STON2: variants seen among roughly 807,000 people sequenced by gnomAD.
STON2 encodes the protein stonin-2.
In STON2, 29 loss-of-function variants were observed where a neutral mutation model predicts 65.7. That is an observed-to-expected ratio of 0.44 (90% CI 0.33 to 0.60). The LOEUF (loss-of-function observed/expected upper bound fraction) is 0.60, where lower values mean the gene tolerates loss of function less well. Among genes scored for constraint, STON2 ranks in the 20% least tolerant of loss-of-function variants. STON2 has a pLI of 0.03. For synonymous variants in STON2, 404 were observed against 414.2 expected, an observed-to-expected ratio of 0.98 and a Z score of 0.30; for missense variants, 1,054 against 1,118.1, an observed-to-expected ratio of 0.94 and a Z score of 0.82.
At chr14:81,355,723 G>A (rs547721963) in intron 4 of STON2, among the ~76,000 whole-genome samples, 37 of 152,226 alleles carry the variant, frequency 2.4e-4, no homozygotes, top group Admixed American at 1.4e-3. Flanking sequence ...AACCCTTCAC[G>A]TCCCTTGTAA....
At chr14:81,370,857 G>A in intron 4 of STON2, 131 bp downstream of exon 4, 1 of 803,378 alleles carries the variant, frequency 1.2e-6, no homozygotes, top group Admixed American at 2.7e-5. Flanking sequence ...CTAGCTTTTT[G>A]ACTGGATAAC....
chr14:81,271,010 C>G, intron 6 of STON2, 138 bp from the exon 7 acceptor site: 2 of 1,143,870 alleles, frequency 1.7e-6, no homozygotes, highest in Non-Finnish European at 2.4e-6. Flanking sequence ...GTGTTGAGCA[C>G]GAGGATCCGC....
upstream of STON2, among the ~76,000 whole-genome samples, chr14:81,402,331 A>G (rs1900649629): frequency 2.0e-5 from 3 of 152,158 alleles, no homozygotes; most frequent in South Asian, 6.2e-4. Context: ...CTAGGGCCTG[A>G]GGGTCAAGGG....
chr14:81,326,708 T>C (rs1179472614), intron 4 of STON2, among the ~76,000 whole-genome samples: 1 of 152,210 alleles, frequency 6.6e-6, no homozygotes, highest in Non-Finnish European at 1.5e-5. Flanking sequence ...ACTGACTCAT[T>C]TCTTAGAAAA....
In STON2 at chr14:81,266,575, C is replaced by A; in HGVS notation, c.*1839G>T. On this transcript the variant is annotated 3_prime_UTR_variant, in exon 8 of 8. Transcript: ENST00000614646. ...ATGGACACAATCAACTTATTAATGT[C>A]TCTCTTAAAATATGATACCCATAAT... 1 of 712,636 alleles carries A rather than the reference C, an allele frequency of 1.4e-6. No homozygotes were observed. The highest frequency in any genetic ancestry group is 6.2e-5 in the South Asian group (1 of 16,022). 44.1% of individuals were successfully genotyped at this position (712,636 alleles called of 1,614,324 possible).
At chr14:81,407,093 CT>C (rs1469507484) in intron 2 of STON2, among the ~76,000 whole-genome samples, 1 of 152,186 alleles carries the variant, frequency 6.6e-6, no homozygotes, top group East Asian at 1.9e-4. Flanking sequence ...GATAGAAAAT[CT>C]TGTGCTGCCT....
At position 81,278,709 on chromosome 14, in the gene STON2, T is replaced by C; in HGVS notation, c.773A>G (p.Glu258Gly). 2.0e-6 allele frequency: 3 copies of C among 1,518,586 alleles called. No homozygotes were observed. Among genetic ancestry groups the C allele is most frequent in the Non-Finnish European group, 2.6e-6 (3 of 1,135,884 alleles). 94.1% of individuals were successfully genotyped at this position (1,518,586 alleles called of 1,614,324 possible). A position where few individuals can be genotyped will look rare whatever the true frequency, so the allele number is the denominator to read the frequency against. The change falls in exon 6 of 8, where the codon GAA (glutamate) becomes GGA (glycine). Residue 258 changes from glutamate (E) to glycine (G), a missense_variant. Physicochemically the swap from Glu to Gly is moderately conservative, Grantham distance 98. Coordinates refer to ENST00000614646, the MANE Select transcript of STON2 (RefSeq NM_001394390.1). ...DNSSSLQEDE[E>G]VEMEAISWQA... Reference sequence around the variant, plus strand: ...CCAGCTGATGGCCTCCATCTCTACTTCTTCATCTTCTTGAAGCGAGGAGGA... The same window carrying C: ...CCAGCTGATGGCCTCCATCTCTACTCCTTCATCTTCTTGAAGCGAGGAGGA...
intron 2 of STON2, among the ~76,000 whole-genome samples, chr14:81,407,998 G>T (rs781479910): frequency 6.6e-6 from 1 of 152,112 alleles, no homozygotes; most frequent in Non-Finnish European, 1.5e-5. Flanking sequence ...AGACTGGAAG[G>T]CCCCATTACC....
At chr14:81,388,349 C>A (rs989223988) in intron 3 of STON2, among the ~76,000 whole-genome samples, 1 of 152,142 alleles carries the variant, frequency 6.6e-6, no homozygotes, top group Non-Finnish European at 1.5e-5. Context: ...AATTAAAGTC[C>A]AAGAGAAAGT....
chr14:81,282,139 C>T (rs1027530501), intron 5 of STON2, among the ~76,000 whole-genome samples: 1 of 152,166 alleles, frequency 6.6e-6, no homozygotes, highest in African/African-American at 2.4e-5. Flanking sequence ...ATGTTTATTA[C>T]AGCAATGCTT....
At chr14:81,403,986 G>A (rs1423246886), upstream of STON2, among the ~76,000 whole-genome samples, 1 of 152,098 alleles carries the variant, frequency 6.6e-6, no homozygotes, top group Non-Finnish European at 1.5e-5. Flanking sequence ...TTGATCTTTT[G>A]CTTATTGATG....
intron 5 of STON2, among the ~76,000 whole-genome samples, chr14:81,289,890 T>C (rs1895487229): frequency 6.6e-6 from 1 of 152,212 alleles, no homozygotes; most frequent in African/African-American, 2.4e-5. Flanking sequence ...GGCTTGATTA[T>C]CCTCCTGGTT....
At position 81,277,302 on chromosome 14, in the gene STON2, C is replaced by A; in HGVS notation, c.2180G>T (p.Cys727Phe). The A allele has an allele frequency of 6.2e-7, 1 of 1,614,228 alleles. No homozygotes were observed. The highest frequency in any genetic ancestry group is 8.5e-7 in the Non-Finnish European group (1 of 1,180,042). The change falls in exon 6 of 8, where the codon TGC becomes TTC. Residue 727 changes from cysteine to phenylalanine, a missense_variant. Coordinates refer to ENST00000614646, the MANE Select transcript of STON2 (RefSeq NM_001394390.1). ...RVILFNPLDA[C>F]RFELMRFRTV... ...CCTGAACCGCATTAGCTCAAACCGG[C>A]ACGCATCCAAAGGGTTGAACAGAAT...
At chr14:81,388,673 C>G (rs138198937) in intron 3 of STON2, among the ~76,000 whole-genome samples, 2 of 152,142 alleles carry the variant, frequency 1.3e-5, no homozygotes, top group African/African-American at 4.8e-5. Flanking sequence ...GTCCAATGCT[C>G]GCTTGGCTTT....
At chr14:81,382,081 T>C (rs1899548596) in intron 3 of STON2, among the ~76,000 whole-genome samples, 1 of 151,904 alleles carries the variant, frequency 6.6e-6, no homozygotes, top group African/African-American at 2.4e-5. Context: ...TAGCCAGGTG[T>C]GGTGGCAGGC....
chr14:81,290,979 C>T (rs1895532416), intron 5 of STON2, among the ~76,000 whole-genome samples: 1 of 152,050 alleles, frequency 6.6e-6, no homozygotes, highest in Non-Finnish European at 1.5e-5. Context: ...AATGTTAGCT[C>T]TCACAGGAAG....
At chr14:81,382,197 C>T (rs945326511) in intron 3 of STON2, among the ~76,000 whole-genome samples, 9 of 150,376 alleles carry the variant, frequency 6.0e-5, no homozygotes, top group African/African-American at 1.2e-4. Context: ...CCAGCCAGGG[C>T]GACAGAGCAA....
chr14:81,383,847 A>T (rs1167429022), intron 3 of STON2, among the ~76,000 whole-genome samples: 1 of 152,148 alleles, frequency 6.6e-6, no homozygotes, highest in African/African-American at 2.4e-5. Flanking sequence ...CTCAGTTCAA[A>T]ACCCTCCATT....
At chr14:81,389,059 C>A (rs1899956366) in intron 3 of STON2, among the ~76,000 whole-genome samples, 1 of 152,164 alleles carries the variant, frequency 6.6e-6, no homozygotes, top group African/African-American at 2.4e-5. Flanking sequence ...CCAAGATAAA[C>A]ATTTTTACAT....
Sources: gnomAD v4.1 joint callset for allele counts (sites outside exome capture counted in the v4.1 genomes callset) on GRCh38, gnomAD v4.1.1 for gene constraint, MANE v1.5 for transcripts, NCBI Gene and HGNC (gene_info 2026-07-23, HGNC 2026-07-21) for gene names.